TRDN: variants seen among roughly 807,000 people sequenced by gnomAD.
TRDN encodes the protein triadin in skeletal muscle.
In TRDN, 161 loss-of-function variants were observed where a neutral mutation model predicts 149.7. That is an observed-to-expected ratio of 1.08 (90% CI 0.95 to 1.23). TRDN has a LOEUF of 1.23. Ranked by LOEUF, TRDN falls within the 50% of genes most tolerant of loss-of-function variation. The probability of loss-of-function intolerance (pLI) is 0.00; values close to 1 mark genes in which losing one functional copy is unlikely to be tolerated. For missense variants in TRDN, 896 were observed against 823.5 expected (o/e 1.09, Z -1.08); for synonymous variants, 294 against 250.5 (o/e 1.17, Z -1.64).
At position 123,378,013 on chromosome 6, in the gene TRDN, A is replaced by G. The variant is rs368504237; in HGVS notation, c.1187-115T>C. On this transcript the variant is annotated intron_variant, in intron 16 of 40. Transcript: ENST00000334268. ...GCATGTGCTGATGCCAGATTGCAGC[A>G]ACTAATAATGGCTTACATAAAAAGG... 6.2e-6 allele frequency: 4 copies of G among 643,298 alleles called. No homozygotes were observed. The East Asian group carries it at 1.1e-4, about 18-fold the overall frequency. The allele number at this position is 643,298 out of a possible 1,614,324, so 39.8% of individuals were successfully genotyped here.
intron 22 of TRDN, among the ~76,000 whole-genome samples, chr6:123,333,349 G>T (rs948426250): frequency 6.6e-6 from 1 of 151,996 alleles, no homozygotes; most frequent in Non-Finnish European, 1.5e-5. Context: ...TAGAATGAGA[G>T]CCCACAGAAC....
intron 12 of TRDN, among the ~76,000 whole-genome samples, chr6:123,425,801 G>A (rs1774096473): frequency 1.3e-5 from 2 of 152,018 alleles, no homozygotes; most frequent in South Asian, 4.1e-4. Flanking sequence ...GCTGTAAAGG[G>A]GATCTGAGAA....
intron 21 of TRDN, chr6:123,350,326 T>C (rs1780411784): frequency 5.3e-6 from 5 of 949,968 alleles, no homozygotes; most frequent in Non-Finnish European, 6.3e-6. Context: ...AGATTCAATA[T>C]GCACAATTAT....
At chr6:123,285,581 A>G (rs566000565) in intron 24 of TRDN, among the ~76,000 whole-genome samples, 3 of 152,242 alleles carry the variant, frequency 2.0e-5, no homozygotes, top group South Asian at 4.1e-4. Flanking sequence ...AACTATAACA[A>G]TTCTAGAAGA....
chr6:123,589,160 A>G (rs528966640), intron 1 of TRDN, among the ~76,000 whole-genome samples: 99 of 152,334 alleles, frequency 6.5e-4, no homozygotes, highest in African/African-American at 2.3e-3. Context: ...AACTTTGTGA[A>G]TTAGAAGTTT....
At position 123,418,057 on chromosome 6, in the gene TRDN, G is replaced by C. The variant is rs560373164; in HGVS notation, c.1051+20006C>G. Among the ~76,000 whole-genome samples, 299 of 152,274 alleles carry C rather than the reference G, an allele frequency of 2.0e-3. 2 individuals carry two copies. Among genetic ancestry groups the C allele is most frequent in the African/African-American group, 6.9e-3 (285 of 41,572 alleles). On this transcript the variant is annotated intron_variant, in intron 12 of 40. Transcript: ENST00000334268. ...AAATTACTCATCCAGGACTGGGTAA[G>C]TATAACACACAAATGAAAGTGGGAT...
chr6:123,412,786 TA>T (rs1026882628), intron 12 of TRDN, among the ~76,000 whole-genome samples: 1 of 151,986 alleles, frequency 6.6e-6, no homozygotes, highest in Non-Finnish European at 1.5e-5. Context: ...TATCAATTTT[TA>T]AAAAAATTCT....
chr6:123,584,480 C>T (rs1388542754), intron 1 of TRDN, among the ~76,000 whole-genome samples: 1 of 151,800 alleles, frequency 6.6e-6, no homozygotes, highest in Non-Finnish European at 1.5e-5. Flanking sequence ...ATTCTGACCG[C>T]ACTAACCATG....
At chr6:123,595,641 C>A (rs1784000691) in intron 1 of TRDN, among the ~76,000 whole-genome samples, 1 of 152,110 alleles carries the variant, frequency 6.6e-6, no homozygotes, top group African/African-American at 2.4e-5. Flanking sequence ...TGCTTCATGC[C>A]TCTGTGTCAC....
chr6:123,424,623 C>T (rs1397474763), intron 12 of TRDN, among the ~76,000 whole-genome samples: 9 of 151,984 alleles, frequency 5.9e-5, no homozygotes, highest in Non-Finnish European at 1.3e-4. Flanking sequence ...ATGCTGAAAC[C>T]GTGAGTTCTA....
chr6:123,225,527 CACACACAT>C (rs953179166), intron 38 of TRDN, among the ~76,000 whole-genome samples: 2 of 86,480 alleles, frequency 2.3e-5, no homozygotes, highest in African/African-American at 6.1e-5. Context: ...CACACACACA[CACACACAT>C]ACACACACAT....
chr6:123,578,880 T>C (rs1209467927), intron 1 of TRDN, among the ~76,000 whole-genome samples: 1 of 152,096 alleles, frequency 6.6e-6, no homozygotes, highest in African/African-American at 2.4e-5. Context: ...TGGTTACATG[T>C]ACTCCTAGGT....
chr6:123,311,958 A>G (rs1778842357), intron 24 of TRDN, among the ~76,000 whole-genome samples: 1 of 152,004 alleles, frequency 6.6e-6, no homozygotes, highest in Non-Finnish European at 1.5e-5. Context: ...AAGCACTAAT[A>G]CACACCATGC....
At chr6:123,295,008 C>T (rs992825741) in intron 24 of TRDN, among the ~76,000 whole-genome samples, 1 of 152,084 alleles carries the variant, frequency 6.6e-6, no homozygotes, top group African/African-American at 2.4e-5. Context: ...AGTATCTAAT[C>T]TTTGAGGGGG....
chr6:123,545,686 C>T (rs1187397502), intron 4 of TRDN, among the ~76,000 whole-genome samples: 1 of 151,856 alleles, frequency 6.6e-6, no homozygotes, highest in Admixed American at 6.6e-5. Context: ...ACATATATCC[C>T]TTAGACTATT....
At chr6:123,619,727 T>C (rs1340029030) in intron 1 of TRDN, among the ~76,000 whole-genome samples, 1 of 152,056 alleles carries the variant, frequency 6.6e-6, no homozygotes, top group African/African-American at 2.4e-5. Flanking sequence ...CAGACATCCA[T>C]ATATGAAATA....
At chr6:123,578,609 T>C (rs1782970557) in intron 1 of TRDN, among the ~76,000 whole-genome samples, 1 of 152,144 alleles carries the variant, frequency 6.6e-6, no homozygotes, top group Non-Finnish European at 1.5e-5. Flanking sequence ...TCTTTTTCCT[T>C]TTTGCTTAGG....
At chr6:123,470,974 G>A (rs1381098035) in intron 9 of TRDN, 1 of 152,102 alleles carries the variant, frequency 6.6e-6, no homozygotes, top group Admixed American at 6.5e-5. Flanking sequence ...CCGAATTCAT[G>A]GAGACTCCAG....
At chr6:123,498,269 A>G in intron 8 of TRDN, 1 of 196,500 alleles carries the variant, frequency 5.1e-6, no homozygotes, top group African/African-American at 2.3e-5. Flanking sequence ...CAAACATATG[A>G]AATAACAAAG....
Sources: allele counts gnomAD v4.1 joint callset (sites outside exome capture counted in the v4.1 genomes callset), GRCh38; gene constraint gnomAD v4.1.1; transcripts MANE v1.5; gene names NCBI Gene and HGNC (gene_info 2026-07-23, HGNC 2026-07-21).